The following LRP5 variants were observed in gnomAD, a reference collection of about 807,000 sequenced individuals.
The protein encoded by LRP5 is low-density lipoprotein receptor-related protein 5.
LRP5 carries 62 observed loss-of-function variants against 154.1 expected under a neutral mutation model. The ratio of observed to expected loss-of-function variants is 0.40; its 90% CI spans 0.33 to 0.50. LRP5 has a LOEUF of 0.50. Among genes scored for constraint, LRP5 ranks in the 20% least tolerant of loss-of-function variants. LRP5 has a pLI of 0.55. For synonymous variants in LRP5, 966 were observed against 1,011.5 expected, an observed-to-expected ratio of 0.96 and a Z score of 0.85; for missense variants, 1,915 against 2,336.7, an observed-to-expected ratio of 0.82 and a Z score of 3.72.
At chr11:68,332,283 G>A (rs2098603281) in intron 1 of LRP5, among the ~76,000 whole-genome samples, 1 of 152,210 alleles carries the variant, frequency 6.6e-6, no homozygotes, top group African/African-American at 2.4e-5. Flanking sequence ...ATTCATTATT[G>A]TCATGCAAAT....
chr11:68,386,294 C>G lies in LRP5; in HGVS notation c.1016-22C>G, dbSNP rs769127659. ...CTGCTGCAGGCCCTTGACCCCTGAC[C>G]CCATTGCACCTGTCTCCACAGGAGC... On this transcript the variant is annotated intron_variant, in intron 5 of 22. Coordinates refer to ENST00000294304, the MANE Select transcript of LRP5 (RefSeq NM_002335.4). The surrounding 1 kb of genome is among the most constrained non-coding windows in gnomAD (Gnocchi z 7.9). 1 of 1,609,238 alleles carries G rather than the reference C, an allele frequency of 6.2e-7. No individual in the cohort carries two copies. The highest frequency in any genetic ancestry group is 1.7e-5 in the Admixed American group (1 of 60,002).
the LRP5 span, among the ~76,000 whole-genome samples, chr11:68,303,595 G>A: frequency 6.6e-6 from 1 of 152,152 alleles, no homozygotes; most frequent in African/African-American, 2.4e-5. Context: ...CCAGGTTCAA[G>A]TAATTCTCCT....
intron 5 of LRP5, among the ~76,000 whole-genome samples, chr11:68,382,000 G>A (rs1301190294): frequency 6.6e-6 from 1 of 152,214 alleles, no homozygotes; most frequent in Non-Finnish European, 1.5e-5. Context: ...CCACCACTGG[G>A]GTCACCTCTG....
rs1368111934 is a variant in LRP5, at chr11:68,365,595, A to G, written c.908A>G (p.Asn303Ser). 5 of 1,613,812 alleles carry G rather than the reference A, an allele frequency of 3.1e-6. No individual in the cohort carries two copies. The highest frequency in any genetic ancestry group is 1.3e-5 in the African/African-American group (1 of 74,898). Reference sequence around the variant, plus strand: ...GTCCACACTCGCTGTGAGGAGGACAATGGCGGCTGCTCCCACCTGTGCCTG... The same window carrying G: ...GTCCACACTCGCTGTGAGGAGGACAGTGGCGGCTGCTCCCACCTGTGCCTG... ...PFFHTRCEED[N>S]GGCSHLCLLS... Residue 303 changes from asparagine (N) to serine (S), a missense_variant, in exon 5 of 23, where the codon AAT becomes AGT. Physicochemically the swap from Asn to Ser is conservative, Grantham distance 46. Transcript: ENST00000294304.
At chr11:68,390,118 A>G (rs2098645492) in intron 7 of LRP5, 66 bp downstream of exon 7, 1 of 1,584,166 alleles carries the variant, frequency 6.3e-7, no homozygotes, top group African/African-American at 1.3e-5. Context: ...AGCCAGATGT[A>G]CGTATTGGCG....
At chr11:68,301,589 G>T in the LRP5 span, among the ~76,000 whole-genome samples, 1 of 148,936 alleles carries the variant, frequency 6.7e-6, no homozygotes, top group African/African-American at 2.4e-5. Flanking sequence ...AGAATCATTT[G>T]TCACACCTGC....
the LRP5 span, among the ~76,000 whole-genome samples, chr11:68,302,686 A>G: frequency 6.6e-6 from 1 of 152,186 alleles, no homozygotes; most frequent in Non-Finnish European, 1.5e-5. Context: ...GCCTGGCAAG[A>G]AAGGACATGT....
At chr11:68,399,594 A>G (rs2153160792) in intron 7 of LRP5, among the ~76,000 whole-genome samples, 1 of 152,180 alleles carries the variant, frequency 6.6e-6, no homozygotes, top group South Asian at 2.1e-4. Flanking sequence ...GGCCCCTGTT[A>G]TTTCTGAACT....
At chr11:68,422,767 C>G (rs1020712482) in intron 13 of LRP5, among the ~76,000 whole-genome samples, 4 of 151,072 alleles carry the variant, frequency 2.6e-5, no homozygotes, top group African/African-American at 9.8e-5. Flanking sequence ...GGCCCCCAGC[C>G]TCACCTACCC....
chr11:68,329,772 G>C (rs1336111821), intron 1 of LRP5, among the ~76,000 whole-genome samples: 1 of 152,178 alleles, frequency 6.6e-6, no homozygotes, highest in African/African-American at 2.4e-5. Flanking sequence ...GCGCCCCACT[G>C]ACTGACACCC....
At chr11:68,309,029 G>T (rs1208567654), upstream of LRP5, among the ~76,000 whole-genome samples, 1 of 148,388 alleles carries the variant, frequency 6.7e-6, no homozygotes. Context: ...CGCCTCCCAG[G>T]TTCACGCCAT....
In LRP5 at chr11:68,340,240, C is replaced by CAAAATA. The variant is rs546897692; in HGVS notation, c.92-7585_92-7580dup. ...GGGCAACTAGAGTGAAACTCCGTCT[C>CAAAATA]AAAATAAAAATAAAAATAAAAATAA... On this transcript the variant is annotated intron_variant, in intron 1 of 22. Transcript: ENST00000294304. 9.9e-5 allele frequency among the ~76,000 whole-genome samples: 15 copies of CAAAATA among 151,972 alleles called. 1 individual carries two copies. The South Asian group carries it at 2.1e-3, about 21-fold the overall frequency.
At chr11:68,338,867 G>GTTTTTTTTTTTTTTTTTTTTTTTT (rs11382677) in intron 1 of LRP5, among the ~76,000 whole-genome samples, 3 of 91,938 alleles carry the variant, frequency 3.3e-5, no homozygotes, top group Admixed American at 1.7e-4. Flanking sequence ...CTTTTGTTTA[G>GTTTTTTTTTTTTTTTTTTTTTTTT]TTTTTTTTTT....
chr11:68,358,821 A>T (rs1421824818), intron 3 of LRP5, among the ~76,000 whole-genome samples: 2 of 152,196 alleles, frequency 1.3e-5, no homozygotes, highest in African/African-American at 4.8e-5. Context: ...TTCACTAACC[A>T]AGTGCTGCCT....
intron 7 of LRP5, among the ~76,000 whole-genome samples, chr11:68,399,719 G>A (rs956348581): frequency 3.3e-5 from 5 of 152,202 alleles, no homozygotes; most frequent in Non-Finnish European, 7.4e-5. Flanking sequence ...TCTGGCTCCA[G>A]GAAAGGCAGA....
chr11:68,360,764 G>A (rs150509809), intron 3 of LRP5, among the ~76,000 whole-genome samples: 2,370 of 152,222 alleles, frequency 0.016, 60 homozygotes, highest in African/African-American at 0.053. Flanking sequence ...TTGGGAGGCC[G>A]AGGCGGGCGG....
chr11:68,327,786 C>T (rs1259165904), intron 1 of LRP5, among the ~76,000 whole-genome samples: 3 of 152,138 alleles, frequency 2.0e-5, no homozygotes, highest in African/African-American at 4.8e-5. Flanking sequence ...CTGCAGGTTT[C>T]CCCCGGACGG....
chr11:68,422,746 C>T (rs1166169126), intron 13 of LRP5, among the ~76,000 whole-genome samples: 2 of 151,696 alleles, frequency 1.3e-5, no homozygotes, highest in African/African-American at 4.8e-5. Flanking sequence ...TGCCCCTACC[C>T]ACCCTCACCT....
At chr11:68,424,075 C>T (rs1276091349) in intron 14 of LRP5, among the ~76,000 whole-genome samples, 1 of 152,226 alleles carries the variant, frequency 6.6e-6, no homozygotes, top group Non-Finnish European at 1.5e-5. Context: ...TTCTTCCTCC[C>T]AGAGGCCCCC....
Sources: gnomAD v4.1 joint callset for allele counts (sites outside exome capture counted in the v4.1 genomes callset) on GRCh38, gnomAD v4.1.1 for gene constraint, Gnocchi (gnomAD v3.1) non-coding constraint, MANE v1.5 for transcripts, NCBI Gene and HGNC (gene_info 2026-07-23, HGNC 2026-07-21) for gene names.